XPOT: variants seen among roughly 807,000 people sequenced by gnomAD.
XPOT encodes the protein exportin for tRNA.
XPOT carries 34 observed loss-of-function variants against 128.2 expected under a neutral mutation model. That is an observed-to-expected ratio of 0.27 (90% CI 0.20 to 0.35). XPOT has a LOEUF of 0.35. Among genes scored for constraint, XPOT ranks in the 10% least tolerant of loss-of-function variants. XPOT has a pLI of 1.00. For synonymous variants in XPOT, 348 were observed against 394.3 expected (o/e 0.88, Z 1.39); for missense variants, 838 against 1,125.3 (o/e 0.74, Z 3.65).
At chr12:64,436,655 A>C (rs778259483) in intron 22 of XPOT, among the ~76,000 whole-genome samples, 7 of 151,796 alleles carry the variant, frequency 4.6e-5, no homozygotes, top group Non-Finnish European at 2.9e-5. Flanking sequence ...ATCTCAGCTC[A>C]TTGCAGACCC....
Position 64,423,020 on chromosome 12 carries a change from G to T in XPOT, c.1096G>T (p.Asp366Tyr). Residue 366 changes from aspartate to tyrosine, a missense_variant, in exon 10 of 25, where the codon GAT becomes TAT. Around this residue, in one of 3 missense-constraint regions of XPOT, gnomAD observed 761 missense variants for 988.3 expected, o/e 0.77. Coordinates refer to ENST00000332707, the MANE Select transcript of XPOT (RefSeq NM_007235.6). ...HILKQLTVLSDQQKANVEAIM... is the reference protein window; with the variant it reads ...HILKQLTVLSYQQKANVEAIM... ...TTTTTAACAGCTTACAGTGCTCTCGGATCAGCAAAAAGCTAATGTAGAGGT... is the reference window on the plus strand; with the variant it reads ...TTTTTAACAGCTTACAGTGCTCTCGTATCAGCAAAAAGCTAATGTAGAGGT... 1.2e-6 allele frequency: 2 copies of T among 1,613,358 alleles called. No homozygotes were observed. Among genetic ancestry groups the T allele is most frequent in the Non-Finnish European group, 1.7e-6 (2 of 1,179,944 alleles).
intron 24 of XPOT, 95 bp from the exon 25 acceptor site, chr12:64,448,010 G>A: frequency 9.0e-7 from 1 of 1,116,956 alleles, no homozygotes. Flanking sequence ...TGTTACAGAA[G>A]AACATTGCTA....
intron 15 of XPOT, among the ~76,000 whole-genome samples, chr12:64,426,935 A>AT: frequency 6.6e-6 from 1 of 152,118 alleles, no homozygotes; most frequent in African/African-American, 2.4e-5. Context: ...GTGAGCAGAG[A>AT]TCGTGCCATT....
chr12:64,443,265 A>T (rs531126504), intron 23 of XPOT: 1 of 152,218 alleles, frequency 6.6e-6, no homozygotes, highest in South Asian at 2.1e-4. Context: ...GTCCCTGAAC[A>T]CTACTACATC....
At chr12:64,434,212 G>C (rs2040263693) in intron 19 of XPOT, among the ~76,000 whole-genome samples, 1 of 152,092 alleles carries the variant, frequency 6.6e-6, no homozygotes, top group Non-Finnish European at 1.5e-5. Flanking sequence ...ACGTTGCCCA[G>C]GCTGGTTAAA....
In XPOT at chr12:64,434,613, A is replaced by G. The variant is rs372592479; in HGVS notation, c.2559A>G (p.Val853=). The change falls in exon 20 of 25, where the codon GTA becomes GTG. Residue 853 remains valine, a synonymous_variant. Transcript: ENST00000332707. ...GTTTTATCATCCTCTCAAAGTTGGTAGAACTCTGGGGTAAGATAATTTTAT... is the reference window on the plus strand; with the variant it reads ...GTTTTATCATCCTCTCAAAGTTGGTGGAACTCTGGGGTAAGATAATTTTAT... ...KTCFIILSKL[V]ELWGGKDGPV... The G allele has an allele frequency of 1.2e-5, 20 of 1,613,012 alleles. No individual in the cohort carries two copies. In the African/African-American group the frequency reaches 2.5e-4, roughly 20 times the overall value.
At chr12:64,415,675 G>A (rs1000555329) in intron 3 of XPOT, among the ~76,000 whole-genome samples, 1 of 152,062 alleles carries the variant, frequency 6.6e-6, no homozygotes, top group African/African-American at 2.4e-5. Flanking sequence ...CACCGTACCC[G>A]GCCTATATCT....
chr12:64,411,276 C>G (rs148378994), intron 2 of XPOT, among the ~76,000 whole-genome samples: 93 of 152,320 alleles, frequency 6.1e-4, no homozygotes, highest in African/African-American at 2.2e-3. Context: ...TATCATAGAT[C>G]TTTACCTTTA....
rs1179744070 is a variant in XPOT at position 64,450,080 on chromosome 12, T to C, written c.*1949T>C. On this transcript the variant is annotated 3_prime_UTR_variant, in exon 25 of 25. Transcript: ENST00000332707. Reference sequence around the variant, plus strand: ...AAGACTTATTACAGTAGCTGGCACATAAAGACTTGATAGTAGTTTATATGG... The same window carrying C: ...AAGACTTATTACAGTAGCTGGCACACAAAGACTTGATAGTAGTTTATATGG... The C allele has an allele frequency of 3.9e-5, 6 of 152,200 alleles. No individual in the cohort carries two copies. The highest frequency in any genetic ancestry group is 1.2e-4 in the African/African-American group (5 of 41,450). 9.4% of individuals were successfully genotyped at this position (152,200 alleles called of 1,614,324 possible).
intron 24 of XPOT, among the ~76,000 whole-genome samples, chr12:64,445,746 T>C (rs1267627469): frequency 6.6e-6 from 1 of 152,150 alleles, no homozygotes; most frequent in Non-Finnish European, 1.5e-5. Flanking sequence ...TGAGTAATTT[T>C]CCCTCCCCAT....
Position 64,445,070 on chromosome 12 carries a change from C to T in XPOT, c.2806-5C>T, listed in dbSNP as rs557737010. 12 of 1,608,720 alleles carry T rather than the reference C, an allele frequency of 7.5e-6. No individual in the cohort carries two copies. The South Asian group carries it at 1.0e-4, about 13-fold the overall frequency. Reference sequence around the variant, plus strand: ...CTTTTTCTCCCTCTTTTCCCCACCCCCCAGGAGTTTTGTCAAGCGCTTCAG... The same window carrying T: ...CTTTTTCTCCCTCTTTTCCCCACCCTCCAGGAGTTTTGTCAAGCGCTTCAG... On this transcript the variant is annotated splice_region_variant and splice_polypyrimidine_tract_variant and intron_variant, in intron 23 of 24. Transcript: ENST00000332707.
chr12:64,433,990 A>C (rs1312518340), intron 19 of XPOT, among the ~76,000 whole-genome samples: 4 of 152,116 alleles, frequency 2.6e-5, no homozygotes, highest in African/African-American at 4.8e-5. Flanking sequence ...ACCAGGGGCA[A>C]ACTGATTTTT....
chr12:64,410,707 G>A (rs1290332846), intron 2 of XPOT, among the ~76,000 whole-genome samples: 2 of 152,090 alleles, frequency 1.3e-5, no homozygotes, highest in Non-Finnish European at 2.9e-5. Flanking sequence ...AAGTAAAATG[G>A]TTACATGACA....
intron 19 of XPOT, 140 bp downstream of exon 19, chr12:64,433,743 G>A (rs1430871599): frequency 2.8e-6 from 2 of 708,288 alleles, no homozygotes; most frequent in Non-Finnish European, 4.2e-6. Context: ...TTGTTTTCAG[G>A]GTGGGAATTG....
intron 23 of XPOT, among the ~76,000 whole-genome samples, 176 bp downstream of exon 23, chr12:64,439,491 A>T (rs1394801995): frequency 6.6e-6 from 1 of 152,240 alleles, no homozygotes; most frequent in African/African-American, 2.4e-5. Flanking sequence ...ACTAAGTAAT[A>T]TCACTACACC....
chr12:64,416,004 A>G (rs949028450), intron 3 of XPOT, among the ~76,000 whole-genome samples: 1 of 152,212 alleles, frequency 6.6e-6, no homozygotes, highest in Non-Finnish European at 1.5e-5. Context: ...TTACGGAAAT[A>G]GGAACTCTCT....
intron 22 of XPOT, among the ~76,000 whole-genome samples, chr12:64,436,468 C>T (rs1029756589): frequency 2.0e-5 from 3 of 150,494 alleles, no homozygotes; most frequent in African/African-American, 4.9e-5. Flanking sequence ...CCATGTTGGC[C>T]AGGCTGGTAT....
rs1259831352 is a variant in XPOT at position 64,414,920 on chromosome 12, T to C, written c.74T>C (p.Phe25Ser). 6.2e-7 allele frequency: 1 copy of C among 1,612,938 alleles called. No homozygotes were observed. Among genetic ancestry groups the C allele is most frequent in the South Asian group, 1.1e-5 (1 of 91,044 alleles). Residue 25 changes from phenylalanine (F) to serine (S), a missense_variant, in exon 3 of 25, where the codon TTT (phenylalanine) becomes TCT (serine). Physicochemically the swap from Phe to Ser is radical, Grantham distance 155. This residue lies in a region of XPOT where 761 missense variants were observed against 988.3 expected (regional missense o/e 0.77). Transcript: ENST00000332707. ...SDFRQRALAY[F>S]EQLKISPDAW... ...GCAATCTTATAGGCCCTGGCCTATT[T>C]TGAGCAGTTAAAAATTTCCCCAGAT...
At chr12:64,438,997 A>G (rs1352024148) in intron 22 of XPOT, among the ~76,000 whole-genome samples, 1 of 152,152 alleles carries the variant, frequency 6.6e-6, no homozygotes, top group African/African-American at 2.4e-5. Flanking sequence ...AAGTGCAGCA[A>G]ACCACCAGGG....
Sources: allele counts gnomAD v4.1 joint callset (sites outside exome capture counted in the v4.1 genomes callset), GRCh38; gene constraint gnomAD v4.1.1; regional missense constraint gnomAD v4.1.1; transcripts MANE v1.5; gene names NCBI Gene and HGNC (gene_info 2026-07-23, HGNC 2026-07-21).